Variants in NEMP2 observed in about 807,000 individuals in gnomAD.
NEMP2 encodes the protein UPF0571 transmembrane protein.
In NEMP2, 53 loss-of-function variants were observed where a neutral mutation model predicts 54.2. The observed-to-expected ratio is 0.98, with a 90% CI of 0.78 to 1.23. The LOEUF (loss-of-function observed/expected upper bound fraction) is 1.23, where lower values mean the gene tolerates loss of function less well. Ranked by LOEUF, NEMP2 falls within the 50% of genes most tolerant of loss-of-function variation. The probability of loss-of-function intolerance (pLI) is 0.00; values close to 1 mark genes in which losing one functional copy is unlikely to be tolerated. For missense variants in NEMP2, 455 were observed against 511.3 expected, an observed-to-expected ratio of 0.89 and a Z score of 1.06; for synonymous variants, 197 against 190.3, an observed-to-expected ratio of 1.04 and a Z score of -0.29.
chr2:190,616,866 T>C, the NEMP2 span: 1 of 152,094 alleles, frequency 6.6e-6, no homozygotes, highest in Non-Finnish European at 1.5e-5. This position sits in a 1 kb window ranked among gnomAD's most constrained non-coding sequence, Gnocchi z 5.1. Flanking sequence ...CCCAGTACTT[T>C]GCGATGCCGA....
chr2:190,558,871 C>T, the NEMP2 span, among the ~76,000 whole-genome samples: 1 of 152,146 alleles, frequency 6.6e-6, no homozygotes. The surrounding 1 kb of genome is among the most constrained non-coding windows in gnomAD (Gnocchi z 4.4). Flanking sequence ...CTAATTCATA[C>T]ACAGATTATG....
the NEMP2 span, among the ~76,000 whole-genome samples, chr2:190,577,977 C>A: frequency 0.017 from 2,522 of 152,302 alleles, 78 homozygotes; most frequent in African/African-American, 0.057. This position sits in a 1 kb window ranked among gnomAD's most constrained non-coding sequence, Gnocchi z 4.8. Context: ...ATTGATACAG[C>A]ATTTTTTCAA....
At position 190,534,623 on chromosome 2, in the gene NEMP2, C is replaced by G; in HGVS notation, c.33G>C (p.Leu11=). The change falls in exon 1 of 9, where the codon CTG becomes CTC. Residue 11 remains leucine (L), a synonymous_variant. Transcript: ENST00000409150. The part of the protein sequence containing the change: MGPRQGRWWL[L]LWLPPLATLP... ...GTGTGGCCAGGGGCGGCAGCCAGAG[C>G]AGCAGCCACCACCGCCCTTGGCGCG... 7.3e-7 allele frequency: 1 copy of G among 1,367,684 alleles called. No homozygotes were observed. The highest frequency in any genetic ancestry group is 3.1e-5 in the East Asian group (1 of 32,562). The allele number at this position is 1,367,684 out of a possible 1,614,324, so 84.7% of individuals were successfully genotyped here. A position where few individuals can be genotyped will look rare whatever the true frequency, so the allele number is the denominator to read the frequency against.
At chr2:190,436,775 C>G in the NEMP2 span, 1 of 1,614,090 alleles carries the variant, frequency 6.2e-7, no homozygotes, top group Non-Finnish European at 8.5e-7. This position sits in a 1 kb window ranked among gnomAD's most constrained non-coding sequence, Gnocchi z 5.3. Flanking sequence ...ACAGCAACCC[C>G]TGTCTCCCCA....
chr2:190,580,192 A>G, the NEMP2 span, among the ~76,000 whole-genome samples: 1 of 152,198 alleles, frequency 6.6e-6, no homozygotes, highest in African/African-American at 2.4e-5. This position sits in a 1 kb window ranked among gnomAD's most constrained non-coding sequence, Gnocchi z 5.3. Context: ...AGCAGATAGG[A>G]AACTCTAGGT....
Position 190,509,127 on chromosome 2 carries a change from A to T in NEMP2, c.*62T>A, listed in dbSNP as rs1690268259. 6.5e-6 allele frequency: 10 copies of T among 1,540,488 alleles called. No individual in the cohort carries two copies. The highest frequency in any genetic ancestry group is 8.8e-6 in the Non-Finnish European group (10 of 1,140,578). On this transcript the variant is annotated 3_prime_UTR_variant, in exon 9 of 9. Coordinates refer to ENST00000409150, the MANE Select transcript of NEMP2 (RefSeq NM_001142645.2). The surrounding 1 kb of genome is among the most constrained non-coding windows in gnomAD (Gnocchi z 6.1). ...ACTAGAACAGTTCTGCCTAACTTTA[A>T]TAGAATCCCTGCCCTTTGCCCACTT...
the NEMP2 span, chr2:190,617,197 A>C: frequency 7.9e-5 from 12 of 152,140 alleles, no homozygotes; most frequent in Admixed American, 7.9e-4. The surrounding 1 kb of genome is among the most constrained non-coding windows in gnomAD (Gnocchi z 5.0). Context: ...CATTGAATTT[A>C]TGAAAATTTC....
chr2:190,550,068 A>T, the NEMP2 span, among the ~76,000 whole-genome samples: 2 of 152,358 alleles, frequency 1.3e-5, no homozygotes, highest in African/African-American at 4.8e-5. The surrounding 1 kb of genome is among the most constrained non-coding windows in gnomAD (Gnocchi z 4.7). Context: ...AGCTTTATTT[A>T]TACTACATTG....
chr2:190,475,183 C>T, the NEMP2 span, among the ~76,000 whole-genome samples: 1 of 152,306 alleles, frequency 6.6e-6, no homozygotes, highest in East Asian at 1.9e-4. Flanking sequence ...CTCACCACTC[C>T]TATTCAACAT....
At chr2:190,596,728 A>G in the NEMP2 span, among the ~76,000 whole-genome samples, 1 of 152,202 alleles carries the variant, frequency 6.6e-6, no homozygotes, top group Non-Finnish European at 1.5e-5. The surrounding 1 kb of genome is among the most constrained non-coding windows in gnomAD (Gnocchi z 5.1). Flanking sequence ...AAATTTGTGT[A>G]TAATTCAACT....
At chr2:190,601,134 G>T in the NEMP2 span, among the ~76,000 whole-genome samples, 3 of 152,110 alleles carry the variant, frequency 2.0e-5, no homozygotes, top group African/African-American at 7.2e-5. The surrounding 1 kb of genome is among the most constrained non-coding windows in gnomAD (Gnocchi z 5.8). Context: ...GGAGTCAGGT[G>T]GGCCTGTCAT....
chr2:190,592,397 G>A, the NEMP2 span, among the ~76,000 whole-genome samples: 1 of 152,124 alleles, frequency 6.6e-6, no homozygotes, highest in Non-Finnish European at 1.5e-5. The surrounding 1 kb of genome is among the most constrained non-coding windows in gnomAD (Gnocchi z 4.4). Context: ...CAAGTCATCT[G>A]TTTACTGGGA....
intron 5 of NEMP2, among the ~76,000 whole-genome samples, chr2:190,517,034 T>G (rs967314118): frequency 4.2e-5 from 6 of 142,084 alleles, no homozygotes; most frequent in Non-Finnish European, 7.5e-5. Context: ...GAGGTTGCAG[T>G]GAGCCAAGAT....
At chr2:190,457,380 C>A in the NEMP2 span, among the ~76,000 whole-genome samples, 1 of 152,150 alleles carries the variant, frequency 6.6e-6, no homozygotes, top group African/African-American at 2.4e-5. The surrounding 1 kb of genome is among the most constrained non-coding windows in gnomAD (Gnocchi z 5.1). Context: ...TGAAAAAAAC[C>A]ACCTAGCAGA....
chr2:190,509,025 G>T lies in NEMP2; in HGVS notation c.*164C>A. 1 of 1,087,822 alleles carries T rather than the reference G, an allele frequency of 9.2e-7. No homozygotes were observed. The highest frequency in any genetic ancestry group is 1.3e-6 in the Non-Finnish European group (1 of 783,910). 67.4% of individuals were successfully genotyped at this position (1,087,822 alleles called of 1,614,324 possible). On this transcript the variant is annotated 3_prime_UTR_variant, in exon 9 of 9. Transcript: ENST00000409150. The surrounding 1 kb of genome is among the most constrained non-coding windows in gnomAD (Gnocchi z 6.1). ...TAGCAGAAGTCACCAAGAATGCTAA[G>T]TTATCTTCAAAATGGGTTGGTTTCC... is the stretch of plus-strand genomic sequence containing the variant.
the NEMP2 span, among the ~76,000 whole-genome samples, chr2:190,443,366 G>A: frequency 6.6e-6 from 1 of 152,122 alleles, no homozygotes; most frequent in Non-Finnish European, 1.5e-5. The surrounding 1 kb of genome is among the most constrained non-coding windows in gnomAD (Gnocchi z 4.2). Flanking sequence ...GCTTCTTAGG[G>A]TTTTTTATGA....
chr2:190,517,603 A>T lies in NEMP2; in HGVS notation c.529T>A (p.Phe177Ile), dbSNP rs1690607531. ...AGCACAGTTCCCGAGGAGTAATAGA[A>T]AGTAGGGCTTCTGTCAAGATAAGCA... is the stretch of plus-strand genomic sequence containing the variant. ...YARTLSQSPT[F>I]YYSSGTVLGV... Residue 177 changes from phenylalanine (F) to isoleucine (I), a missense_variant, in exon 5 of 9, where the codon TTC (phenylalanine) becomes ATC (isoleucine). Coordinates refer to ENST00000409150, the MANE Select transcript of NEMP2 (RefSeq NM_001142645.2). The T allele has an allele frequency of 6.5e-7, 1 of 1,548,874 alleles. No individual in the cohort carries two copies. The highest frequency in any genetic ancestry group is 8.7e-7 in the Non-Finnish European group (1 of 1,145,858).
the NEMP2 span, among the ~76,000 whole-genome samples, chr2:190,579,153 C>G: frequency 2.6e-5 from 4 of 151,976 alleles, no homozygotes; most frequent in African/African-American, 9.7e-5. Context: ...TTTTTGATGG[C>G]CTTTGAAACC....
chr2:190,503,243 G>A (rs1335938540), downstream of NEMP2, among the ~76,000 whole-genome samples: 1 of 152,240 alleles, frequency 6.6e-6, no homozygotes, highest in African/African-American at 2.4e-5. This position sits in a 1 kb window ranked among gnomAD's most constrained non-coding sequence, Gnocchi z 6.3. Context: ...CCAGAGGTTG[G>A]TAGGGACTCT....
Sources: gnomAD v4.1 joint callset for allele counts (sites outside exome capture counted in the v4.1 genomes callset) on GRCh38, gnomAD v4.1.1 for gene constraint, Gnocchi (gnomAD v3.1) non-coding constraint, MANE v1.5 for transcripts, NCBI Gene and HGNC (gene_info 2026-07-23, HGNC 2026-07-21) for gene names.